The following RANBP2 variants were observed in gnomAD, a reference collection of about 807,000 sequenced individuals.
RANBP2 encodes the protein RAN binding protein 2, also known as E3 SUMO-protein ligase RanBP2.
Under a neutral mutation model 303.6 loss-of-function variants are expected in RANBP2, and 57 were observed. The observed-to-expected ratio is 0.19, with a 90% CI of 0.15 to 0.23. RANBP2 has a LOEUF of 0.23. Among genes scored for constraint, RANBP2 ranks in the 10% least tolerant of loss-of-function variants. The pLI, the probability that RANBP2 is intolerant of heterozygous loss-of-function variation, is 1.00. For missense variants in RANBP2, 3,138 were observed against 3,780.8 expected (o/e 0.83, Z 4.46); for synonymous variants, 1,167 against 1,301.5 (o/e 0.90, Z 2.23).
chr2:109,305,446 C>G, the RANBP2 span, among the ~76,000 whole-genome samples: 1 of 152,184 alleles, frequency 6.6e-6, no homozygotes, highest in Admixed American at 6.5e-5. Context: ...CTGTCTCCAG[C>G]CCAGTTCTGG....
At chr2:109,053,000 T>A in the RANBP2 span, among the ~76,000 whole-genome samples, 2 of 152,214 alleles carry the variant, frequency 1.3e-5, no homozygotes, top group South Asian at 4.1e-4. Flanking sequence ...TCCCTTCCCC[T>A]GTTGAGTCTC....
the RANBP2 span, chr2:108,885,535 CT>C: frequency 6.6e-6 from 1 of 152,108 alleles, no homozygotes; most frequent in African/African-American, 2.4e-5. Context: ...TGAGACCAGA[CT>C]TTTTATTTTT....
chr2:109,006,482 C>T, the RANBP2 span, among the ~76,000 whole-genome samples: 1 of 152,146 alleles, frequency 6.6e-6, no homozygotes, highest in Non-Finnish European at 1.5e-5. Context: ...GCATGAGCCA[C>T]CGCGCCGGCC....
the RANBP2 span, chr2:109,129,590 C>T: frequency 2.0e-6 from 3 of 1,482,848 alleles, no homozygotes; most frequent in African/African-American, 1.5e-5. Flanking sequence ...GCCGCCGCTG[C>T]TGCGCAGAGC....
the RANBP2 span, among the ~76,000 whole-genome samples, chr2:109,023,012 C>A: frequency 6.6e-6 from 1 of 152,064 alleles, no homozygotes; most frequent in African/African-American, 2.4e-5. Context: ...GATCATGCCA[C>A]TGCACTCCAG....
chr2:108,982,276 A>G, the RANBP2 span, among the ~76,000 whole-genome samples: 2 of 152,346 alleles, frequency 1.3e-5, no homozygotes, highest in South Asian at 2.1e-4. Context: ...CATCCAGCCC[A>G]CACTGGGAGA....
In RANBP2 at chr2:108,765,720, G is replaced by A; in HGVS notation, c.5181G>A (p.Gln1727=). The change falls in exon 20 of 29, where the codon CAG becomes CAA. Residue 1727 remains glutamine (Q), a synonymous_variant. Transcript: ENST00000283195. ...GAATGTTCACTAAGAAGGAAGGACA[G>A]TGGGATTGCAGTGTGTGCTTAGTAA... ...FEGMFTKKEG[Q]WDCSVCLVRN... 1.2e-6 allele frequency: 2 copies of A among 1,614,016 alleles called. No homozygotes were observed. The highest frequency in any genetic ancestry group is 1.7e-6 in the Non-Finnish European group (2 of 1,179,990).
chr2:109,067,718 C>A, the RANBP2 span, among the ~76,000 whole-genome samples: 1 of 152,244 alleles, frequency 6.6e-6, no homozygotes, highest in South Asian at 2.1e-4. Context: ...CCTCTCCTGG[C>A]CGCGCAATCC....
At chr2:109,392,263 T>C in the RANBP2 span, among the ~76,000 whole-genome samples, 1 of 152,208 alleles carries the variant, frequency 6.6e-6, no homozygotes, top group African/African-American at 2.4e-5. Context: ...CTCCTCGTAC[T>C]CTGCAGTGAC....
chr2:108,758,465 G>A lies in RANBP2; in HGVS notation c.2519G>A (p.Arg840His), dbSNP rs755008289. Reference sequence around the variant, plus strand: ...AGCAGTAACTCAGCATCCCCTCATCGTTGGCCCACAGAGAATTATGGACCA... The same window carrying A: ...AGCAGTAACTCAGCATCCCCTCATCATTGGCCCACAGAGAATTATGGACCA... Reference protein sequence around the residue: ...LNSSNSASPHRWPTENYGPDS... With the variant: ...LNSSNSASPHHWPTENYGPDS... The change falls in exon 18 of 29, where the codon CGT becomes CAT. Residue 840 changes from arginine (R) to histidine (H), a missense_variant. By Grantham distance (29) the Arg-to-His change is conservative (BLOSUM62 0). Coordinates refer to ENST00000283195, the MANE Select transcript of RANBP2 (RefSeq NM_006267.5). 7.4e-6 allele frequency: 12 copies of A among 1,611,100 alleles called. No individual in the cohort carries two copies. Among genetic ancestry groups the A allele is most frequent in the African/African-American group, 4.0e-5 (3 of 74,502 alleles).
chr2:109,453,720 T>C, the RANBP2 span, among the ~76,000 whole-genome samples: 1 of 152,202 alleles, frequency 6.6e-6, no homozygotes, highest in African/African-American at 2.4e-5. Context: ...AGCCAGAGTA[T>C]AGTACAGGTC....
At chr2:108,750,100 C>T (rs995117306) in intron 9 of RANBP2, among the ~76,000 whole-genome samples, 4 of 152,252 alleles carry the variant, frequency 2.6e-5, no homozygotes, top group Non-Finnish European at 5.9e-5. Context: ...GAGCCAAGAT[C>T]ACACTGCTGC....
chr2:109,198,941 G>C, the RANBP2 span, among the ~76,000 whole-genome samples: 177 of 152,312 alleles, frequency 1.2e-3, 1 homozygote, highest in African/African-American at 3.1e-3. Context: ...TAAAAATACA[G>C]TCTTATGGGA....
chr2:108,878,379 C>A, the RANBP2 span: 1 of 213,964 alleles, frequency 4.7e-6, no homozygotes, highest in South Asian at 8.4e-5. Context: ...GTCTCATTCC[C>A]CAGTGCATTC....
chr2:109,612,567 T>G, the RANBP2 span, among the ~76,000 whole-genome samples: 40 of 152,222 alleles, frequency 2.6e-4, no homozygotes, highest in African/African-American at 9.4e-4. Flanking sequence ...AAAGTTAGCC[T>G]CAAAGCAAAT....
At chr2:108,720,853 C>T (rs1694177536) in intron 1 of RANBP2, among the ~76,000 whole-genome samples, 2 of 152,334 alleles carry the variant, frequency 1.3e-5, no homozygotes, top group Admixed American at 6.5e-5. Flanking sequence ...CGTGACCAGC[C>T]TGGCTAACAT....
the RANBP2 span, among the ~76,000 whole-genome samples, chr2:109,148,323 A>G: frequency 7.2e-5 from 11 of 152,238 alleles, no homozygotes; most frequent in East Asian, 2.1e-3. Context: ...TGCTGCAGCC[A>G]GCCCAGGCCA....
the RANBP2 span, among the ~76,000 whole-genome samples, chr2:109,629,827 G>A: frequency 3.3e-5 from 5 of 151,858 alleles, no homozygotes; most frequent in Non-Finnish European, 4.4e-5. Context: ...AAAAGAAAAC[G>A]TGTATGAGTA....
chr2:109,181,980 G>T, the RANBP2 span, among the ~76,000 whole-genome samples: 1 of 152,170 alleles, frequency 6.6e-6, no homozygotes, highest in Non-Finnish European at 1.5e-5. Flanking sequence ...GGTGATGTTT[G>T]CTCATTGCTC....
Sources: gnomAD v4.1 joint callset for allele counts (sites outside exome capture counted in the v4.1 genomes callset) on GRCh38, gnomAD v4.1.1 for gene constraint, MANE v1.5 for transcripts, NCBI Gene and HGNC (gene_info 2026-07-23, HGNC 2026-07-21) for gene names.